The following TRIM9 variants were observed in gnomAD, a reference collection of about 807,000 sequenced individuals.
TRIM9 encodes the protein tripartite motif containing 9, also known as E3 ubiquitin-protein ligase TRIM9.
A neutral mutation model predicts 78.3 loss-of-function variants in TRIM9; 26 were observed. That is an observed-to-expected ratio of 0.33 (90% CI 0.24 to 0.46). TRIM9 has a LOEUF of 0.46. TRIM9 is among the 20% of genes least tolerant of loss of function. The pLI, the probability that TRIM9 is intolerant of heterozygous loss-of-function variation, is 1.00. For synonymous variants in TRIM9, 398 were observed against 416.5 expected (o/e 0.96, Z 0.54); for missense variants, 787 against 1,036.4 (o/e 0.76, Z 3.30).
chr14:51,022,866 C>A lies in TRIM9; in HGVS notation c.1010G>T (p.Arg337Leu). ...CTTGTGCTCATGCTCCTTGTTGACG[C>A]GGGCCAGCAGCTGGGCTTTTCTTCT... is the stretch of plus-strand genomic sequence containing the variant. ...LNRRKAQLLA[R>L]VNKEHEHKLK... The change falls in exon 3 of 13, where the codon CGC becomes CTC. Residue 337 changes from arginine to leucine, a missense_variant. Arg to Leu is a moderately radical substitution (Grantham distance 102). This residue lies in a region of TRIM9 where 352 missense variants were observed against 472.3 expected (regional missense o/e 0.75). Coordinates refer to ENST00000684578, the MANE Select transcript of TRIM9 (RefSeq NM_001387360.1). The A allele has an allele frequency of 6.2e-7, 1 of 1,614,142 alleles. No individual in the cohort carries two copies. Among genetic ancestry groups the A allele is most frequent in the East Asian group, 2.2e-5 (1 of 44,878 alleles).
At chr14:50,977,748 C>T (rs2051250648) in intron 12 of TRIM9, among the ~76,000 whole-genome samples, 1 of 152,164 alleles carries the variant, frequency 6.6e-6, no homozygotes, top group South Asian at 2.1e-4. Flanking sequence ...TATTACTTGT[C>T]CACTAGTTAT....
chr14:51,022,526 T>C (rs546705359), intron 3 of TRIM9, among the ~76,000 whole-genome samples: 50 of 152,332 alleles, frequency 3.3e-4, no homozygotes, highest in African/African-American at 1.1e-3. Flanking sequence ...ACTTATCTTG[T>C]TTATTATTTG....
intron 1 of TRIM9, among the ~76,000 whole-genome samples, chr14:51,070,012 G>T (rs1439356624): frequency 6.6e-6 from 1 of 152,164 alleles, no homozygotes. Flanking sequence ...TCATAGCTGA[G>T]GTTGATCAGG....
chr14:51,007,149 C>T (rs777061473), intron 5 of TRIM9, among the ~76,000 whole-genome samples: 2 of 152,124 alleles, frequency 1.3e-5, no homozygotes, highest in Non-Finnish European at 2.9e-5. Flanking sequence ...CTCACTGAGG[C>T]TAATTGGGTT....
chr14:51,022,825 C>T lies in TRIM9; in HGVS notation c.1041+10G>A, dbSNP rs761442442. The stretch of plus-strand genomic sequence containing the variant: ...TTGGCTTTCTGCTCTTCCCATGATG[C>T]AGCACTCACCTTCAGCTTGTGCTCA... On this transcript the variant is annotated intron_variant, in intron 3 of 12. Coordinates refer to ENST00000684578, the MANE Select transcript of TRIM9 (RefSeq NM_001387360.1). The T allele has an allele frequency of 4.3e-6, 7 of 1,613,866 alleles. No individual in the cohort carries two copies. Among genetic ancestry groups the T allele is most frequent in the Non-Finnish European group, 5.9e-6 (7 of 1,179,980 alleles).
intron 1 of TRIM9, among the ~76,000 whole-genome samples, chr14:51,031,608 T>C (rs1802020285): frequency 6.6e-6 from 1 of 152,242 alleles, no homozygotes; most frequent in Non-Finnish European, 1.5e-5. Flanking sequence ...CAGTCACCTC[T>C]GTACAAATCG....
chr14:51,085,553 C>T (rs2063675834), intron 1 of TRIM9, among the ~76,000 whole-genome samples: 1 of 152,192 alleles, frequency 6.6e-6, no homozygotes, highest in Non-Finnish European at 1.5e-5. Context: ...CTGGAATACG[C>T]ATATTTTCTT....
At chr14:51,045,315 G>A (rs1011251832) in intron 1 of TRIM9, among the ~76,000 whole-genome samples, 3 of 152,232 alleles carry the variant, frequency 2.0e-5, no homozygotes, top group Non-Finnish European at 4.4e-5. Flanking sequence ...TTTATCTTGT[G>A]TGTCCCTGTG....
chr14:50,981,741 C>A, intron 11 of TRIM9, 59 bp downstream of exon 11: 1 of 1,596,362 alleles, frequency 6.3e-7, no homozygotes, highest in Non-Finnish European at 8.6e-7. Context: ...TGAACTGGGG[C>A]TCTCACTCCT....
chr14:51,079,229 A>C (rs1035517010), intron 1 of TRIM9, among the ~76,000 whole-genome samples: 3 of 152,132 alleles, frequency 2.0e-5, no homozygotes, highest in Admixed American at 2.0e-4. Context: ...GAGTGAAACT[A>C]TAATAATAAT....
Position 50,985,905 on chromosome 14 carries a change from T to C in TRIM9, c.1792+51A>G. The C allele has an allele frequency of 3.7e-6, 5 of 1,362,214 alleles. No individual in the cohort carries two copies. The South Asian group carries it at 1.0e-4, about 27-fold the overall frequency. The allele number at this position is 1,362,214 out of a possible 1,614,324, so 84.4% of individuals were successfully genotyped here. On this transcript the variant is annotated intron_variant, in intron 8 of 12. Transcript: ENST00000684578. ...AAGAACAAGACACGCGTTTCAGAGA[T>C]GCCTTCAAGGCACAGAGATCAAGGG...
chr14:51,041,260 T>C (rs2059557716), intron 1 of TRIM9, among the ~76,000 whole-genome samples: 1 of 152,254 alleles, frequency 6.6e-6, no homozygotes, highest in Non-Finnish European at 1.5e-5. Context: ...TTAGTTGATT[T>C]TGTAAATGAC....
chr14:51,009,062 G>A lies in TRIM9; in HGVS notation c.1306+18C>T. 2 of 1,612,642 alleles carry A rather than the reference G, an allele frequency of 1.2e-6. No individual in the cohort carries two copies. Among genetic ancestry groups the A allele is most frequent in the South Asian group, 1.1e-5 (1 of 90,990 alleles). ...ACTCAGGATGTTGCTCTCTGACTTG[G>A]GGGATGCAAGGACATACCTTTCACT... On this transcript the variant is annotated intron_variant, in intron 5 of 12. Coordinates refer to ENST00000684578, the MANE Select transcript of TRIM9 (RefSeq NM_001387360.1).
Position 50,975,786 on chromosome 14 carries a change from C to T in TRIM9, c.*1505G>A, listed in dbSNP as rs1306681221. On this transcript the variant is annotated 3_prime_UTR_variant, in exon 13 of 13. Transcript: ENST00000684578. ...TAGACAACTAATTAGAACTTCTTTC[C>T]GGGTCCTACCTTTCCTAAAACTTTA... is the stretch of plus-strand genomic sequence containing the variant. The T allele has an allele frequency of 1.3e-5, 2 of 152,672 alleles. No homozygotes were observed. Among genetic ancestry groups the T allele is most frequent in the East Asian group, 1.9e-4 (1 of 5,190 alleles). The allele number at this position is 152,672 out of a possible 1,614,324, so 9.5% of individuals were successfully genotyped here. A position where few individuals can be genotyped will look rare whatever the true frequency, so the allele number is the denominator to read the frequency against.
In TRIM9 at chr14:51,094,376, G is replaced by A; in HGVS notation, c.564C>T (p.Phe188=). 6.2e-7 allele frequency: 1 copy of A among 1,613,836 alleles called. No homozygotes were observed. The highest frequency in any genetic ancestry group is 1.1e-5 in the South Asian group (1 of 91,082). The part of the protein sequence containing the change: ...ATVMCEQCDV[F]YCDPCRLRCH... ...AGCGCAGGCGGCACGGATCGCAGTA[G>A]AAGACATCGCACTGTTCGCACATGA... The change falls in exon 1 of 13, where the codon TTC becomes TTT. Residue 188 remains phenylalanine, a synonymous_variant. Coordinates refer to ENST00000684578, the MANE Select transcript of TRIM9 (RefSeq NM_001387360.1).
intron 2 of TRIM9, among the ~76,000 whole-genome samples, chr14:51,023,238 T>A (rs1379062311): frequency 1.3e-5 from 2 of 152,220 alleles, no homozygotes; most frequent in Non-Finnish European, 2.9e-5. Flanking sequence ...CTTTAGTTCA[T>A]AGAGTTGTTT....
chr14:51,031,766 C>A (rs1024898900), intron 1 of TRIM9, among the ~76,000 whole-genome samples: 2 of 152,202 alleles, frequency 1.3e-5, no homozygotes, highest in Admixed American at 1.3e-4. Flanking sequence ...GCCACTGACC[C>A]AGGGAGAGCA....
At chr14:50,991,791 A>T (rs192281829) in intron 7 of TRIM9, among the ~76,000 whole-genome samples, 2 of 152,324 alleles carry the variant, frequency 1.3e-5, no homozygotes, top group Non-Finnish European at 2.9e-5. Flanking sequence ...ATGGTTTTAG[A>T]GATGAGAAAA....
intron 1 of TRIM9, among the ~76,000 whole-genome samples, chr14:51,055,012 A>G (rs1359661515): frequency 6.7e-6 from 1 of 150,266 alleles, no homozygotes; most frequent in African/African-American, 2.5e-5. Context: ...GCATTTTCAG[A>G]GACAGGTTTC....
Sources: gnomAD v4.1 joint callset for allele counts (sites outside exome capture counted in the v4.1 genomes callset) on GRCh38, gnomAD v4.1.1 for gene constraint, gnomAD v4.1.1 regional missense constraint, MANE v1.5 for transcripts, NCBI Gene and HGNC (gene_info 2026-07-23, HGNC 2026-07-21) for gene names.